MAST4: variants seen among roughly 807,000 people sequenced by gnomAD.
MAST4 encodes the protein microtubule-associated serine/threonine-protein kinase 4.
A neutral mutation model predicts 162.7 loss-of-function variants in MAST4; 89 were observed. The ratio of observed to expected loss-of-function variants is 0.55; its 90% CI spans 0.46 to 0.65. MAST4 has a LOEUF of 0.65. MAST4 is among the 30% of genes least tolerant of loss of function. The probability of loss-of-function intolerance (pLI) is 0.00; values close to 1 mark genes in which losing one functional copy is unlikely to be tolerated. For synonymous variants in MAST4, 1,479 were observed against 1,361.1 expected (o/e 1.09, Z -1.91); for missense variants, 3,153 against 3,374.0 (o/e 0.93, Z 1.62).
chr5:66,678,628 G>A (rs1413560094), intron 1 of MAST4, among the ~76,000 whole-genome samples: 5 of 151,398 alleles, frequency 3.3e-5, no homozygotes, highest in Admixed American at 2.6e-4. Flanking sequence ...CCAAGTAGCT[G>A]GGACTACCGG....
At chr5:66,878,313 A>T (rs1327357356) in intron 3 of MAST4, among the ~76,000 whole-genome samples, 3 of 152,236 alleles carry the variant, frequency 2.0e-5, no homozygotes, top group Admixed American at 6.5e-5. Context: ...GTATCACACT[A>T]AAAGGATAAT....
intron 3 of MAST4, among the ~76,000 whole-genome samples, chr5:66,893,295 T>C (rs1762474024): frequency 6.6e-6 from 1 of 152,190 alleles, no homozygotes; most frequent in Non-Finnish European, 1.5e-5. Flanking sequence ...AACCTCCGCC[T>C]TCTGGGTTCA....
chr5:66,745,517 C>G (rs1352627886), intron 1 of MAST4, among the ~76,000 whole-genome samples: 1 of 152,214 alleles, frequency 6.6e-6, no homozygotes, highest in Non-Finnish European at 1.5e-5. Context: ...CAATATACAG[C>G]TCCGTACTGC....
At chr5:66,840,105 G>C (rs1012056471) in intron 3 of MAST4, among the ~76,000 whole-genome samples, 9 of 152,070 alleles carry the variant, frequency 5.9e-5, no homozygotes, top group Non-Finnish European at 1.3e-4. Context: ...GTGGTAGGAA[G>C]TCAGACGTAG....
intron 3 of MAST4, among the ~76,000 whole-genome samples, chr5:66,875,969 G>A (rs938327832): frequency 2.6e-5 from 4 of 152,092 alleles, no homozygotes; most frequent in Admixed American, 2.6e-4. Flanking sequence ...GTCTTGCTAT[G>A]TTGCCCAGAA....
chr5:67,141,970 G>T (rs973870427), intron 19 of MAST4, 145 bp from the exon 20 acceptor site: 2 of 845,216 alleles, frequency 2.4e-6, no homozygotes, highest in Admixed American at 2.8e-5. Context: ...GTGGGGCTTT[G>T]GTTGTAGAAT....
chr5:67,071,746 C>T (rs1036125920), intron 5 of MAST4, among the ~76,000 whole-genome samples: 3 of 151,848 alleles, frequency 2.0e-5, no homozygotes, highest in African/African-American at 4.8e-5. Flanking sequence ...GGCGACAGAG[C>T]GAGACTTCAT....
rs968284826 is a variant in MAST4 at position 67,073,131 on chromosome 5, A to G, written c.764-17031A>G. ...GGTAGCTCACAGAATTAGTATTAGT[A>G]CCAGAGAGTGAGCATTGGAGGCCAA... On this transcript the variant is annotated intron_variant, in intron 5 of 28. Transcript: ENST00000403625. 2.0e-5 allele frequency among the ~76,000 whole-genome samples: 3 copies of G among 152,128 alleles called. No homozygotes were observed. In the East Asian group the frequency reaches 5.8e-4, roughly 29 times the overall value.
intron 1 of MAST4, among the ~76,000 whole-genome samples, chr5:66,625,456 A>T (rs1457108371): frequency 1.3e-5 from 2 of 152,252 alleles, no homozygotes; most frequent in Non-Finnish European, 2.9e-5. Context: ...TAAGGGATTA[A>T]CATCCAAAAT....
rs1184613568 is a variant in MAST4, at chr5:67,069,389, C to G, written c.763+14897C>G. Among the ~76,000 whole-genome samples the G allele has an allele frequency of 2.7e-5, 4 of 148,460 alleles. No individual in the cohort carries two copies. The East Asian group carries it at 7.9e-4, about 29-fold the overall frequency. On this transcript the variant is annotated intron_variant, in intron 5 of 28. Transcript: ENST00000403625. ...GGCTTTAAAGAAGATTTTCTTTCAC[C>G]CTGTGTTCTCAGGATTAATATATAC...
At chr5:66,897,000 T>TATCAAG in intron 3 of MAST4, among the ~76,000 whole-genome samples, 1 of 152,302 alleles carries the variant, frequency 6.6e-6, no homozygotes, top group Non-Finnish European at 1.5e-5. Flanking sequence ...GAGGATACAA[T>TATCAAG]ATCAAGCAAG....
At chr5:66,859,338 T>C (rs1759918553) in intron 3 of MAST4, among the ~76,000 whole-genome samples, 1 of 152,200 alleles carries the variant, frequency 6.6e-6, no homozygotes, top group African/African-American at 2.4e-5. Context: ...TTTTGGTATT[T>C]AGACATTCCT....
intron 5 of MAST4, among the ~76,000 whole-genome samples, chr5:67,077,959 C>T (rs977574312): frequency 5.3e-5 from 8 of 152,002 alleles, no homozygotes; most frequent in African/African-American, 1.5e-4. Flanking sequence ...AATAGCTGGG[C>T]GTGGAGGTAG....
At chr5:66,845,149 A>G (rs1758754835) in intron 3 of MAST4, among the ~76,000 whole-genome samples, 1 of 121,204 alleles carries the variant, frequency 8.3e-6, no homozygotes, top group Non-Finnish European at 1.7e-5. Context: ...TTGAAGTTCT[A>G]GGTTACATGT....
intron 4 of MAST4, among the ~76,000 whole-genome samples, chr5:66,970,324 G>A (rs1747274084): frequency 6.6e-6 from 1 of 152,162 alleles, no homozygotes; most frequent in Non-Finnish European, 1.5e-5. Flanking sequence ...TAATGGGGAA[G>A]GGCAAGCATA....
intron 4 of MAST4, among the ~76,000 whole-genome samples, chr5:66,924,029 T>G (rs569144782): frequency 3.2e-4 from 48 of 152,350 alleles, no homozygotes; most frequent in Non-Finnish European, 4.7e-4. Flanking sequence ...AATCTTTCAG[T>G]GAATGACATA....
chr5:67,130,032 A>C (rs897487702), intron 14 of MAST4, among the ~76,000 whole-genome samples, 178 bp from the exon 15 acceptor site: 14 of 152,132 alleles, frequency 9.2e-5, no homozygotes, highest in African/African-American at 2.9e-4. Context: ...AAAAAAATCA[A>C]TCTAGCCAAA....
At chr5:66,824,921 A>T (rs933632044) in intron 3 of MAST4, among the ~76,000 whole-genome samples, 2 of 152,216 alleles carry the variant, frequency 1.3e-5, no homozygotes, top group Admixed American at 6.5e-5. Context: ...AGCTTGCAGG[A>T]TTGGAAGTTG....
At chr5:66,598,719 G>T (rs1254321021) in intron 1 of MAST4, among the ~76,000 whole-genome samples, 2 of 152,168 alleles carry the variant, frequency 1.3e-5, no homozygotes, top group Non-Finnish European at 2.9e-5. Flanking sequence ...TAGTATTGCC[G>T]CTGGTGGAGA....
Sources: gnomAD v4.1 joint callset for allele counts (sites outside exome capture counted in the v4.1 genomes callset) on GRCh38, gnomAD v4.1.1 for gene constraint, MANE v1.5 for transcripts, NCBI Gene and HGNC (gene_info 2026-07-23, HGNC 2026-07-21) for gene names.